RASAL2: variants seen among roughly 807,000 people sequenced by gnomAD.
RASAL2 encodes the protein ras GTPase-activating protein nGAP.
A neutral mutation model predicts 128.9 loss-of-function variants in RASAL2; 58 were observed. The observed-to-expected ratio is 0.45, with a 90% CI of 0.36 to 0.56. The LOEUF (loss-of-function observed/expected upper bound fraction) is 0.56, where lower values mean the gene tolerates loss of function less well. RASAL2 is among the 20% of genes least tolerant of loss of function. RASAL2 has a pLI of 0.00. For missense variants in RASAL2, 1,360 were observed against 1,601.6 expected (o/e 0.85, Z 2.57); for synonymous variants, 561 against 580.8 (o/e 0.97, Z 0.49).
At chr1:178,289,605 G>A (rs1336341491) in intron 2 of RASAL2, among the ~76,000 whole-genome samples, 6 of 151,932 alleles carry the variant, frequency 3.9e-5, no homozygotes, top group African/African-American at 1.5e-4. Flanking sequence ...ATGAGCCACT[G>A]CACCAGGCCA....
intron 11 of RASAL2, among the ~76,000 whole-genome samples, chr1:178,453,212 A>G (rs1435040237): frequency 6.6e-6 from 1 of 152,100 alleles, no homozygotes; most frequent in African/African-American, 2.4e-5. Context: ...ATATATATAT[A>G]TGTCCTTTTG....
intron 3 of RASAL2, among the ~76,000 whole-genome samples, chr1:178,384,675 A>AACAC (rs1051898433): frequency 1.3e-5 from 2 of 149,752 alleles, no homozygotes; most frequent in East Asian, 3.9e-4. Flanking sequence ...AAAAAAAAAA[A>AACAC]ACACACACAC....
At chr1:178,426,411 G>A (rs2102774107) in intron 5 of RASAL2, among the ~76,000 whole-genome samples, 1 of 152,238 alleles carries the variant, frequency 6.6e-6, no homozygotes, top group East Asian at 1.9e-4. Context: ...AGGACGTCAA[G>A]GCTGCAGTCA....
intron 1 of RASAL2, among the ~76,000 whole-genome samples, chr1:178,098,055 A>G (rs910841144): frequency 1.3e-5 from 2 of 152,216 alleles, no homozygotes; most frequent in Admixed American, 6.5e-5. Context: ...ATTTCCTTGT[A>G]GTTGTAAAAT....
intron 1 of RASAL2, among the ~76,000 whole-genome samples, chr1:178,137,676 T>A (rs1398561319): frequency 6.6e-6 from 1 of 152,206 alleles, no homozygotes; most frequent in Non-Finnish European, 1.5e-5. Flanking sequence ...GGAATTTCAT[T>A]TCACAGAATG....
chr1:178,455,234 C>T (rs1182077939), intron 12 of RASAL2, among the ~76,000 whole-genome samples: 2 of 151,990 alleles, frequency 1.3e-5, no homozygotes, highest in Non-Finnish European at 2.9e-5. Context: ...AAATATACAC[C>T]ATGCCAATCA....
chr1:178,411,165 TACAC>T (rs138482764), intron 4 of RASAL2, among the ~76,000 whole-genome samples: 116,440 of 149,550 alleles, frequency 0.78, 46,258 homozygotes, highest in East Asian at 0.91. Context: ...TGTGTGTGTG[TACAC>T]ACACACACAC....
At chr1:178,162,436 A>T (rs1174535972) in intron 1 of RASAL2, among the ~76,000 whole-genome samples, 1 of 117,056 alleles carries the variant, frequency 8.5e-6, no homozygotes, top group African/African-American at 3.4e-5. Context: ...TATATATTTT[A>T]TATATAATAT....
chr1:178,104,143 A>G (rs1283441032), intron 1 of RASAL2, among the ~76,000 whole-genome samples: 1 of 152,142 alleles, frequency 6.6e-6, no homozygotes, highest in Non-Finnish European at 1.5e-5. Flanking sequence ...TCTTTAATCC[A>G]GTCTGGTATT....
chr1:178,426,290 A>G (rs1375721999), intron 5 of RASAL2, among the ~76,000 whole-genome samples: 2 of 152,178 alleles, frequency 1.3e-5, no homozygotes, highest in Non-Finnish European at 2.9e-5. Flanking sequence ...AACATGATAT[A>G]CCCGTACAAT....
intron 4 of RASAL2, among the ~76,000 whole-genome samples, chr1:178,418,150 G>A (rs2102737691): frequency 6.6e-6 from 1 of 152,212 alleles, no homozygotes; most frequent in South Asian, 2.1e-4. Context: ...ACCCTGCTAT[G>A]CAGTTGAAAA....
intron 1 of RASAL2, among the ~76,000 whole-genome samples, chr1:178,102,314 AT>A (rs972647449): frequency 3.3e-5 from 5 of 151,604 alleles, no homozygotes; most frequent in Admixed American, 1.3e-4. Context: ...GATAACTATC[AT>A]TTTTTTTTAA....
intron 5 of RASAL2, among the ~76,000 whole-genome samples, chr1:178,437,193 C>T (rs1676306457): frequency 1.3e-5 from 2 of 152,098 alleles, no homozygotes; most frequent in Non-Finnish European, 2.9e-5. Context: ...TATTACCTAT[C>T]CTACAAATTG....
At chr1:178,331,583 C>CT (rs71731643) in intron 3 of RASAL2, among the ~76,000 whole-genome samples, 15,598 of 110,116 alleles carry the variant, frequency 0.14, 1,667 homozygotes, top group East Asian at 0.21. Flanking sequence ...CTTCATGCAT[C>CT]TTTTTTTTTT....
intron 3 of RASAL2, among the ~76,000 whole-genome samples, chr1:178,385,607 A>T (rs943559526): frequency 2.0e-5 from 3 of 151,834 alleles, no homozygotes; most frequent in African/African-American, 7.3e-5. Flanking sequence ...GTGCAAAATT[A>T]GCTTTTTGGA....
chr1:178,144,040 C>A (rs547198930), intron 1 of RASAL2, among the ~76,000 whole-genome samples: 1 of 152,070 alleles, frequency 6.6e-6, no homozygotes, highest in African/African-American at 2.4e-5. Context: ...TTGAATGTCT[C>A]AAGAGTTGTG....
At chr1:178,129,643 T>C (rs1660028222) in intron 1 of RASAL2, among the ~76,000 whole-genome samples, 1 of 152,130 alleles carries the variant, frequency 6.6e-6, no homozygotes, top group South Asian at 2.1e-4. Context: ...TAGTATCATA[T>C]CTAAGAACTC....
chr1:178,439,843 A>G (rs1378494384), intron 6 of RASAL2, among the ~76,000 whole-genome samples: 1 of 152,130 alleles, frequency 6.6e-6, no homozygotes, highest in Non-Finnish European at 1.5e-5. Flanking sequence ...ATCAGGGGAC[A>G]AGACTAACAA....
chr1:178,125,188 T>C (rs1452750860), intron 1 of RASAL2: 1 of 152,248 alleles, frequency 6.6e-6, no homozygotes, highest in African/African-American at 2.4e-5. Context: ...TTCTGTGGCA[T>C]ATGTATAGTA....
Sources: allele counts gnomAD v4.1 joint callset (sites outside exome capture counted in the v4.1 genomes callset), GRCh38; gene constraint gnomAD v4.1.1; transcripts MANE v1.5; gene names NCBI Gene and HGNC (gene_info 2026-07-23, HGNC 2026-07-21).